The following FARS2 variants were observed in gnomAD, a reference collection of about 807,000 sequenced individuals.
FARS2 encodes the protein phenylalanyl-tRNA synthetase 2, mitochondrial.
Under a neutral mutation model 46.4 loss-of-function variants are expected in FARS2, and 40 were observed. The ratio of observed to expected loss-of-function variants is 0.86; its 90% CI spans 0.67 to 1.12. The LOEUF (loss-of-function observed/expected upper bound fraction) is 1.12, where lower values mean the gene tolerates loss of function less well. Ranked by LOEUF, FARS2 falls within the 50% of genes most tolerant of loss-of-function variation. The probability of loss-of-function intolerance (pLI) is 0.00; values close to 1 mark genes in which losing one functional copy is unlikely to be tolerated. For synonymous variants in FARS2, 234 were observed against 214.9 expected (o/e 1.09, Z -0.78); for missense variants, 513 against 567.9 (o/e 0.90, Z 0.98).
At chr6:5,369,260 G>A in intron 2 of FARS2, 78 bp downstream of exon 2, 1 of 1,419,574 alleles carries the variant, frequency 7.0e-7, no homozygotes, top group Middle Eastern at 2.1e-4. Flanking sequence ...TTAGCTCGAT[G>A]AGACCAGCAT....
chr6:5,680,306 C>G (rs1778968324), intron 6 of FARS2, among the ~76,000 whole-genome samples: 1 of 152,144 alleles, frequency 6.6e-6, no homozygotes. Flanking sequence ...GTCAGAGTAG[C>G]CACGGGTTAG....
chr6:5,407,738 A>G (rs1358818030), intron 3 of FARS2, among the ~76,000 whole-genome samples: 1 of 152,182 alleles, frequency 6.6e-6, no homozygotes, highest in Non-Finnish European at 1.5e-5. Flanking sequence ...GCGTAATATA[A>G]TAGTGAAATA....
At chr6:5,273,544 T>C (rs1766114990) in intron 1 of FARS2, among the ~76,000 whole-genome samples, 1 of 152,292 alleles carries the variant, frequency 6.6e-6, no homozygotes, top group Non-Finnish European at 1.5e-5. Flanking sequence ...TTTGTGCTCA[T>C]TATATATTCT....
intron 5 of FARS2, among the ~76,000 whole-genome samples, chr6:5,591,260 A>T (rs1251780736): frequency 6.6e-6 from 1 of 152,248 alleles, no homozygotes; most frequent in African/African-American, 2.4e-5. Context: ...TGAAAGTCAC[A>T]CTAAGGCCAA....
intron 6 of FARS2, among the ~76,000 whole-genome samples, chr6:5,620,805 G>A (rs921097466): frequency 3.9e-5 from 6 of 152,248 alleles, no homozygotes; most frequent in African/African-American, 1.4e-4. Flanking sequence ...GAGGCAGTTG[G>A]TGGATGGGCT....
chr6:5,264,761 C>T (rs1021215334), intron 1 of FARS2, among the ~76,000 whole-genome samples: 2 of 152,084 alleles, frequency 1.3e-5, no homozygotes, highest in Non-Finnish European at 2.9e-5. Flanking sequence ...AGAGCTTCCC[C>T]ACCCCTAAGA....
intron 4 of FARS2, among the ~76,000 whole-genome samples, chr6:5,516,630 G>C (rs925223821): frequency 6.6e-6 from 1 of 152,090 alleles, no homozygotes; most frequent in Non-Finnish European, 1.5e-5. Context: ...AAAATAACTA[G>C]ATCATGCCTA....
intron 6 of FARS2, among the ~76,000 whole-genome samples, chr6:5,712,559 G>C (rs1270148072): frequency 6.6e-6 from 1 of 152,234 alleles, no homozygotes; most frequent in Non-Finnish European, 1.5e-5. Context: ...AATGTAGACA[G>C]TTCCTGTTTC....
intron 4 of FARS2, among the ~76,000 whole-genome samples, chr6:5,498,852 A>G (rs1354485131): frequency 1.3e-5 from 2 of 152,226 alleles, no homozygotes; most frequent in Admixed American, 6.5e-5. Flanking sequence ...ATTAAGCAGG[A>G]TGCTAGAAAT....
chr6:5,474,661 C>CTA (rs34998565), intron 4 of FARS2, among the ~76,000 whole-genome samples: 2,670 of 71,358 alleles, frequency 0.037, 56 homozygotes, highest in Middle Eastern at 0.11. Flanking sequence ...AAATACAGTA[C>CTA]TGTTTTTTTT....
intron 6 of FARS2, among the ~76,000 whole-genome samples, chr6:5,640,320 C>T (rs1776754389): frequency 6.6e-6 from 1 of 152,166 alleles, no homozygotes; most frequent in Non-Finnish European, 1.5e-5. Context: ...TTTAAGGTCT[C>T]ACGGCCATTA....
chr6:5,568,293 C>T (rs1772436091), intron 5 of FARS2, among the ~76,000 whole-genome samples: 1 of 152,150 alleles, frequency 6.6e-6, no homozygotes, highest in African/African-American at 2.4e-5. Context: ...GGAGTGATTT[C>T]TCTGCTCTTT....
intron 6 of FARS2, among the ~76,000 whole-genome samples, chr6:5,658,275 G>T (rs1026500607): frequency 2.8e-4 from 41 of 148,402 alleles, no homozygotes; most frequent in Middle Eastern, 3.4e-3. Flanking sequence ...AAAAAAAAGA[G>T]AACTTAGAAC....
At chr6:5,302,450 C>G (rs1413379950) in intron 1 of FARS2, among the ~76,000 whole-genome samples, 2 of 152,072 alleles carry the variant, frequency 1.3e-5, no homozygotes, top group African/African-American at 4.8e-5. Flanking sequence ...ATAGGCTAAT[C>G]AAGTACCTCT....
At chr6:5,459,526 T>G (rs573510885) in intron 4 of FARS2, among the ~76,000 whole-genome samples, 1 of 152,302 alleles carries the variant, frequency 6.6e-6, no homozygotes, top group Admixed American at 6.5e-5. Context: ...GGTGGTGGAA[T>G]GTGCTCCGGT....
At chr6:5,604,458 G>T (rs1401209450) in intron 5 of FARS2, among the ~76,000 whole-genome samples, 2 of 152,136 alleles carry the variant, frequency 1.3e-5, no homozygotes, top group Non-Finnish European at 2.9e-5. Flanking sequence ...CAACACCTGT[G>T]GAAAGGCAGG....
intron 4 of FARS2, among the ~76,000 whole-genome samples, chr6:5,454,254 C>T (rs957425873): frequency 6.7e-6 from 1 of 149,064 alleles, no homozygotes; most frequent in African/African-American, 2.5e-5. Context: ...TGAATGCTGT[C>T]AAATAATCCT....
chr6:5,407,634 A>T (rs904496892), intron 3 of FARS2, among the ~76,000 whole-genome samples: 1 of 152,146 alleles, frequency 6.6e-6, no homozygotes, highest in African/African-American at 2.4e-5. Context: ...TAAATATGAC[A>T]AAATGTTATG....
chr6:5,563,571 A>T (rs1387834885), intron 5 of FARS2, among the ~76,000 whole-genome samples: 1 of 151,454 alleles, frequency 6.6e-6, no homozygotes, highest in Non-Finnish European at 1.5e-5. Flanking sequence ...TTGGGGGATG[A>T]CTCCTTCTGG....
Sources: gnomAD v4.1 joint callset for allele counts (sites outside exome capture counted in the v4.1 genomes callset) on GRCh38, gnomAD v4.1.1 for gene constraint, MANE v1.5 for transcripts, NCBI Gene and HGNC (gene_info 2026-07-23, HGNC 2026-07-21) for gene names.